The following LRRTM4 variants were observed in gnomAD, a reference collection of about 807,000 sequenced individuals.
The protein encoded by LRRTM4 is leucine rich repeat transmembrane neuronal 4.
A neutral mutation model predicts 47.6 loss-of-function variants in LRRTM4; 25 were observed. The ratio of observed to expected loss-of-function variants is 0.53; its 90% CI spans 0.38 to 0.73. The LOEUF is 0.73. Among genes scored for constraint, LRRTM4 ranks in the 30% least tolerant of loss-of-function variants. The pLI, the probability that LRRTM4 is intolerant of heterozygous loss-of-function variation, is 0.00. For synonymous variants in LRRTM4, 311 were observed against 269.5 expected (o/e 1.15, Z -1.51); for missense variants, 638 against 713.4 (o/e 0.89, Z 1.20).
intron 3 of LRRTM4, among the ~76,000 whole-genome samples, chr2:76,800,974 C>T (rs1236277184): frequency 6.7e-6 from 1 of 149,662 alleles, no homozygotes; most frequent in Admixed American, 6.7e-5. Context: ...TACCATCTCA[C>T]ACCAGTTAGA....
chr2:77,074,801 T>G (rs75215696), intron 3 of LRRTM4, among the ~76,000 whole-genome samples: 1 of 152,166 alleles, frequency 6.6e-6, no homozygotes, highest in Non-Finnish European at 1.5e-5. Context: ...CTTCTAATTG[T>G]TGGTTGGCAC....
At chr2:76,945,511 G>A (rs1675292926) in intron 3 of LRRTM4, among the ~76,000 whole-genome samples, 1 of 152,034 alleles carries the variant, frequency 6.6e-6, no homozygotes, top group African/African-American at 2.4e-5. Flanking sequence ...ATGATGCAAT[G>A]CAGAATATTA....
intron 3 of LRRTM4, among the ~76,000 whole-genome samples, chr2:77,062,627 G>C (rs892297177): frequency 1.3e-5 from 2 of 152,134 alleles, no homozygotes; most frequent in Non-Finnish European, 2.9e-5. Context: ...GAATAGAGGA[G>C]GAGAGGCAGG....
At chr2:77,457,797 C>T (rs1328702559) in intron 3 of LRRTM4, among the ~76,000 whole-genome samples, 2 of 152,142 alleles carry the variant, frequency 1.3e-5, no homozygotes, top group African/African-American at 4.8e-5. Context: ...TGGTTCCTCT[C>T]TTTAGAACAG....
At chr2:77,005,422 C>G (rs994313768) in intron 3 of LRRTM4, among the ~76,000 whole-genome samples, 2 of 152,162 alleles carry the variant, frequency 1.3e-5, no homozygotes, top group Non-Finnish European at 2.9e-5. Flanking sequence ...GGATTACAGG[C>G]GTGAGCCACC....
intron 3 of LRRTM4, among the ~76,000 whole-genome samples, chr2:77,180,358 C>T (rs575015111): frequency 6.6e-6 from 1 of 152,082 alleles, no homozygotes; most frequent in Non-Finnish European, 1.5e-5. Flanking sequence ...TTCTCTCTCC[C>T]CAGCCTCCCT....
intron 3 of LRRTM4, among the ~76,000 whole-genome samples, chr2:77,182,922 C>G (rs1037090497): frequency 5.9e-5 from 9 of 152,198 alleles, no homozygotes; most frequent in Non-Finnish European, 1.2e-4. Context: ...ACACCTTATA[C>G]AAAAATTAAT....
At chr2:76,866,911 C>G (rs1358429782) in intron 3 of LRRTM4, among the ~76,000 whole-genome samples, 1 of 152,076 alleles carries the variant, frequency 6.6e-6, no homozygotes, top group East Asian at 1.9e-4. Context: ...GAGGTCATGT[C>G]CCTTGCAGGG....
intron 3 of LRRTM4, among the ~76,000 whole-genome samples, chr2:76,874,767 T>C (rs77848353): frequency 1.3e-5 from 2 of 151,940 alleles, no homozygotes; most frequent in Admixed American, 6.6e-5. Flanking sequence ...AGGCTCTTGA[T>C]ACTAGACCCT....
chr2:77,064,863 C>T (rs982806528), intron 3 of LRRTM4, among the ~76,000 whole-genome samples: 1 of 152,082 alleles, frequency 6.6e-6, no homozygotes. Context: ...GATTTACAGA[C>T]TTAACCTACC....
intron 3 of LRRTM4, among the ~76,000 whole-genome samples, chr2:77,395,283 A>T (rs1313703991): frequency 1.3e-5 from 2 of 151,934 alleles, no homozygotes; most frequent in Non-Finnish European, 1.5e-5. Context: ...CCTTAGCCAA[A>T]AGGGAGTCTG....
chr2:77,322,250 G>A (rs1480376353), intron 3 of LRRTM4, among the ~76,000 whole-genome samples: 1 of 152,016 alleles, frequency 6.6e-6, no homozygotes, highest in Non-Finnish European at 1.5e-5. Flanking sequence ...GGAAGAATAT[G>A]ACTTTCTTTA....
intron 3 of LRRTM4, among the ~76,000 whole-genome samples, chr2:77,385,317 A>T (rs551248693): frequency 6.6e-6 from 1 of 152,308 alleles, no homozygotes; most frequent in East Asian, 1.9e-4. Flanking sequence ...CTCAGCCAAC[A>T]TTAAGTCAAC....
In LRRTM4 at chr2:77,090,761, T is replaced by C. The variant is rs570125794; in HGVS notation, c.1552-341845A>G. Among the ~76,000 whole-genome samples the C allele has an allele frequency of 5.6e-4, 86 of 152,246 alleles. No individual in the cohort carries two copies. The South Asian group carries it at 8.1e-3, about 14-fold the overall frequency. ...CCACTGGAAATCGGACTGTTCAACTTACCTGGCAGCCACTCCCAGAGCCCC... is the reference window on the plus strand; with the variant it reads ...CCACTGGAAATCGGACTGTTCAACTCACCTGGCAGCCACTCCCAGAGCCCC... On this transcript the variant is annotated intron_variant, in intron 3 of 3. Transcript: ENST00000409884.
At chr2:77,467,322 C>T (rs1013881695) in intron 3 of LRRTM4, among the ~76,000 whole-genome samples, 5 of 152,086 alleles carry the variant, frequency 3.3e-5, no homozygotes, top group East Asian at 1.9e-4. Flanking sequence ...GCCCCATCCA[C>T]GGACAGTTCC....
At chr2:77,193,781 A>G (rs913519575) in intron 3 of LRRTM4, among the ~76,000 whole-genome samples, 7 of 152,166 alleles carry the variant, frequency 4.6e-5, no homozygotes, top group Non-Finnish European at 8.8e-5. Flanking sequence ...CCATCTCAGG[A>G]AAAAAATATA....
intron 3 of LRRTM4, among the ~76,000 whole-genome samples, chr2:76,873,513 T>TAA (rs2104066260): frequency 6.9e-6 from 1 of 145,356 alleles, no homozygotes; most frequent in South Asian, 2.2e-4. Context: ...TGTGTATATA[T>TAA]ATATATATAT....
chr2:77,371,832 T>C (rs1002635769), intron 3 of LRRTM4, among the ~76,000 whole-genome samples: 10 of 151,726 alleles, frequency 6.6e-5, no homozygotes, highest in Admixed American at 5.9e-4. Context: ...CCACGGTAAA[T>C]GGTCATGTCA....
chr2:77,269,841 T>C (rs1266876680), intron 3 of LRRTM4, among the ~76,000 whole-genome samples: 1 of 152,230 alleles, frequency 6.6e-6, no homozygotes, highest in Non-Finnish European at 1.5e-5. Context: ...TGTTTTATCC[T>C]TGGTAACAGT....
Sources: gnomAD v4.1 joint callset for allele counts (sites outside exome capture counted in the v4.1 genomes callset) on GRCh38, gnomAD v4.1.1 for gene constraint, MANE v1.5 for transcripts, NCBI Gene and HGNC (gene_info 2026-07-23, HGNC 2026-07-21) for gene names.